Variants in SS18L2 observed in about 807,000 individuals in gnomAD.
The protein encoded by SS18L2 is SS18-like protein 2.
A neutral mutation model predicts 10.3 loss-of-function variants in SS18L2; 8 were observed. The ratio of observed to expected loss-of-function variants is 0.78; its 90% CI spans 0.46 to 1.41. SS18L2 has a LOEUF of 1.41. Ranked by LOEUF, SS18L2 falls within the 40% of genes most tolerant of loss-of-function variation. The pLI, the probability that SS18L2 is intolerant of heterozygous loss-of-function variation, is 0.00. For missense variants in SS18L2, 100 were observed against 96.2 expected (o/e 1.04, Z -0.17); for synonymous variants, 41 against 34.6 (o/e 1.19, Z -0.65).
At chr3:42,586,585 T>TAA (rs35415799), upstream of SS18L2, among the ~76,000 whole-genome samples, 51 of 139,766 alleles carry the variant, frequency 3.6e-4, no homozygotes, top group East Asian at 8.3e-4. Context: ...AGTCACTGTT[T>TAA]AAAAAAAAAA....
At chr3:42,591,377 TTAGTATGGGGTTTCCCCATGTTGG>T (rs1704832374) in intron 1 of SS18L2, 124 bp from the exon 2 acceptor site, 3 of 624,174 alleles carry the variant, frequency 4.8e-6, no homozygotes, top group Non-Finnish European at 8.5e-6. Context: ...TTTTGTATTT[TTAGTATGGGGTTTCCCCATGTTGG>T]CCAGGCTAGT....
upstream of SS18L2, among the ~76,000 whole-genome samples, chr3:42,589,789 C>T (rs941543971): frequency 1.3e-5 from 2 of 152,178 alleles, no homozygotes; most frequent in Admixed American, 6.5e-5. Flanking sequence ...TTGTCTTCCA[C>T]GAAACCAATT....
upstream of SS18L2, among the ~76,000 whole-genome samples, chr3:42,589,937 C>T (rs1251800340): frequency 6.6e-6 from 1 of 152,162 alleles, no homozygotes; most frequent in Admixed American, 6.5e-5. Flanking sequence ...AACACCTTTG[C>T]GGTATGGTGC....
At position 42,590,998 on chromosome 3, in the gene SS18L2, G is replaced by A. The variant is rs1319777459; in HGVS notation, c.69+32G>A. Reference sequence around the variant, plus strand: ...ATCCACGCGGGCGGGCGGGCGGGCGGAGAGAAGTCGGGATCCCGAGGGGCT... The same window carrying A: ...ATCCACGCGGGCGGGCGGGCGGGCGAAGAGAAGTCGGGATCCCGAGGGGCT... On this transcript the variant is annotated intron_variant, in intron 1 of 2. Transcript: ENST00000011691. 2.6e-6 allele frequency: 4 copies of A among 1,549,452 alleles called. No homozygotes were observed. In the East Asian group the frequency reaches 7.2e-5, roughly 28 times the overall value.
At chr3:42,582,235 G>A (rs1325700107) in intron 1 of SS18L2, 3 of 152,264 alleles carry the variant, frequency 2.0e-5, no homozygotes, top group Admixed American at 2.0e-4. Flanking sequence ...CACGTCCGGA[G>A]GTGAGAAGGA....
At chr3:42,584,394 A>G (rs542890894) in intron 1 of SS18L2, among the ~76,000 whole-genome samples, 64 of 152,280 alleles carry the variant, frequency 4.2e-4, no homozygotes, top group Admixed American at 7.8e-4. Flanking sequence ...AGCTGGGATT[A>G]CAAGCATCTG....
chr3:42,586,383 T>C (rs1704608748), upstream of SS18L2, among the ~76,000 whole-genome samples: 1 of 152,048 alleles, frequency 6.6e-6, no homozygotes, highest in African/African-American at 2.4e-5. Flanking sequence ...CCACCATGCC[T>C]GGCTAATTTT....
At chr3:42,590,742 A>G (rs1344673257), upstream of SS18L2, 2 of 802,146 alleles carry the variant, frequency 2.5e-6, no homozygotes, top group Non-Finnish European at 4.3e-6. Context: ...GGGACCGAGG[A>G]AAGCGCTGAG....
upstream of SS18L2, among the ~76,000 whole-genome samples, chr3:42,587,932 G>T (rs1000655698): frequency 1.3e-5 from 2 of 151,890 alleles, no homozygotes; most frequent in Non-Finnish European, 2.9e-5. Flanking sequence ...AATTAGCTGG[G>T]CGTGGTGGTG....
chr3:42,596,241 C>T lies in SS18L2; in HGVS notation c.*1732C>T, dbSNP rs376101937. ...TTCTCCATGTTGGTCAGGCTGGTCT[C>T]GTACTCACGACCTCAGGTGATCCAC... On this transcript the variant is annotated 3_prime_UTR_variant, in exon 3 of 3. Coordinates refer to ENST00000011691, the MANE Select transcript of SS18L2 (RefSeq NM_001370300.1). Among the ~76,000 whole-genome samples the T allele has an allele frequency of 2.2e-4, 34 of 152,252 alleles. No individual in the cohort carries two copies. In the East Asian group the frequency reaches 4.6e-3, roughly 21 times the overall value.
rs543441169 is a variant in SS18L2 at position 42,592,873 on chromosome 3, C to G, written c.146+1272C>G. On this transcript the variant is annotated intron_variant, in intron 2 of 2. Coordinates refer to ENST00000011691, the MANE Select transcript of SS18L2 (RefSeq NM_001370300.1). ...TTTTTGGGTGAAGAACTCTACCCCC[C>G]CCACCGTAAACTTATGTTGATCATG... Among the ~76,000 whole-genome samples, 55 of 152,216 alleles carry G rather than the reference C, an allele frequency of 3.6e-4. No homozygotes were observed. In the South Asian group the frequency reaches 8.9e-3, roughly 25 times the overall value.
At position 42,594,656 on chromosome 3, in the gene SS18L2, G is replaced by T; in HGVS notation, c.*147G>T. On this transcript the variant is annotated 3_prime_UTR_variant, in exon 3 of 3. Transcript: ENST00000011691. ...AACCTCTGTGGCTCTTTCGAAACGT[G>T]AAAATGTGAAGAAAGCTACTAACTT... 1 of 594,402 alleles carries T rather than the reference G, an allele frequency of 1.7e-6. No individual in the cohort carries two copies. The highest frequency in any genetic ancestry group is 2.9e-6 in the Non-Finnish European group (1 of 342,706). 36.8% of individuals were successfully genotyped at this position (594,402 alleles called of 1,614,324 possible). A position where few individuals can be genotyped will look rare whatever the true frequency, so the allele number is the denominator to read the frequency against.
At chr3:42,588,188 G>T (rs1437270683), upstream of SS18L2, among the ~76,000 whole-genome samples, 1 of 152,048 alleles carries the variant, frequency 6.6e-6, no homozygotes. Flanking sequence ...CAGATCATGA[G>T]GTCAGGAGTT....
chr3:42,590,262 C>A (rs1210188880), upstream of SS18L2, among the ~76,000 whole-genome samples: 1 of 152,148 alleles, frequency 6.6e-6, no homozygotes, highest in Non-Finnish European at 1.5e-5. Flanking sequence ...CAGATGCAGA[C>A]CTGGAGGCAC....
upstream of SS18L2, chr3:42,587,630 G>A (rs988905574): frequency 6.6e-6 from 1 of 152,180 alleles, no homozygotes; most frequent in Non-Finnish European, 1.5e-5. Context: ...CAGCTACTGG[G>A]GAAGCTGAGG....
upstream of SS18L2, among the ~76,000 whole-genome samples, chr3:42,589,958 C>G (rs1299858829): frequency 6.6e-6 from 1 of 152,142 alleles, no homozygotes; most frequent in African/African-American, 2.4e-5. Context: ...CTGGGCAGTC[C>G]CGGGTTGTTA....
At chr3:42,590,669 G>C, upstream of SS18L2, 2 of 601,170 alleles carry the variant, frequency 3.3e-6, no homozygotes, top group South Asian at 3.9e-5. Flanking sequence ...CAACCCACAA[G>C]TTTCGCTCTC....
chr3:42,593,814 C>G (rs1704943777), intron 2 of SS18L2, among the ~76,000 whole-genome samples: 1 of 152,012 alleles, frequency 6.6e-6, no homozygotes, highest in Non-Finnish European at 1.5e-5. Context: ...GAGTAGAGAC[C>G]TGGGGTAAGG....
Position 42,591,615 on chromosome 3 carries a change from C to G in SS18L2, c.146+14C>G, listed in dbSNP as rs1339254029. On this transcript the variant is annotated intron_variant, in intron 2 of 2. Coordinates refer to ENST00000011691, the MANE Select transcript of SS18L2 (RefSeq NM_001370300.1). ...CGAGTGCGTGCAGTAAGTACCCCCA[C>G]CCCCGCGCCCCTGACCTGTGGGTAG... 1.3e-6 allele frequency: 2 copies of G among 1,592,136 alleles called. No homozygotes were observed. Among genetic ancestry groups the G allele is most frequent in the Admixed American group, 1.7e-5 (1 of 59,984 alleles).
Sources: gnomAD v4.1 joint callset for allele counts (sites outside exome capture counted in the v4.1 genomes callset) on GRCh38, gnomAD v4.1.1 for gene constraint, MANE v1.5 for transcripts, NCBI Gene and HGNC (gene_info 2026-07-23, HGNC 2026-07-21) for gene names.